Variants in HSPBP1 observed in about 807,000 individuals in gnomAD.
The protein encoded by HSPBP1 is hsp70-binding protein 1.
Under a neutral mutation model 41.7 loss-of-function variants are expected in HSPBP1, and 31 were observed. That is an observed-to-expected ratio of 0.74 (90% CI 0.56 to 1.00). HSPBP1 has a LOEUF of 1.00. HSPBP1 is among the 50% of genes least tolerant of loss of function. The pLI, the probability that HSPBP1 is intolerant of heterozygous loss-of-function variation, is 0.00. For missense variants in HSPBP1, 439 were observed against 487.9 expected, an observed-to-expected ratio of 0.90 and a Z score of 0.94; for synonymous variants, 199 against 214.4, an observed-to-expected ratio of 0.93 and a Z score of 0.63.
chr19:55,267,392 C>G (rs1398893766), intron 4 of HSPBP1, among the ~76,000 whole-genome samples: 1 of 151,614 alleles, frequency 6.6e-6, no homozygotes, highest in East Asian at 1.9e-4. Context: ...CTAAAGTGAT[C>G]CACCTGCCTG....
Position 55,268,726 on chromosome 19 carries a change from G to A in HSPBP1, c.641-2440C>T, listed in dbSNP as rs919301110. 2.6e-5 allele frequency among the ~76,000 whole-genome samples: 4 copies of A among 152,090 alleles called. No homozygotes were observed. Among genetic ancestry groups the A allele is most frequent in the Admixed American group, 6.5e-5 (1 of 15,274 alleles). On this transcript the variant is annotated intron_variant, in intron 4 of 7. Transcript: ENST00000433386. This position sits in a 1 kb window ranked among gnomAD's most constrained non-coding sequence, Gnocchi z 4.5. ...CTCGCTCTGTCGCCCAGGCTGGAGT[G>A]CAGTGGCAGTTGGCTCACTGCGACA...
In HSPBP1 at chr19:55,275,769, G is replaced by A. The variant is rs542197389; in HGVS notation, c.416-1147C>T. On this transcript the variant is annotated intron_variant, in intron 3 of 7. Coordinates refer to ENST00000433386, the MANE Select transcript of HSPBP1 (RefSeq NM_012267.5). Reference sequence around the variant, plus strand: ...TCAAGACCAGCCTGGCCAACATGGTGAAACCTCATCTCTACTAAAAATACA... The same window carrying A: ...TCAAGACCAGCCTGGCCAACATGGTAAAACCTCATCTCTACTAAAAATACA... Among the ~76,000 whole-genome samples the A allele has an allele frequency of 8.5e-5, 13 of 152,110 alleles. No individual in the cohort carries two copies. In the South Asian group the frequency reaches 1.9e-3, roughly 22 times the overall value.
rs992811462 is a variant in HSPBP1 at position 55,268,302 on chromosome 19, C to A, written c.641-2016G>T. ...AAAATTAGCTGGGCGTGGTGGCGTG[C>A]GTCTGTAATCCCAGCTACTAGGGAG... On this transcript the variant is annotated intron_variant, in intron 4 of 7. Transcript: ENST00000433386. The surrounding 1 kb of genome is among the most constrained non-coding windows in gnomAD (Gnocchi z 4.5). Among the ~76,000 whole-genome samples, 1 of 151,936 alleles carries A rather than the reference C, an allele frequency of 6.6e-6. No homozygotes were observed. Among genetic ancestry groups the A allele is most frequent in the Non-Finnish European group, 1.5e-5 (1 of 67,986 alleles).
chr19:55,279,856 C>T, intron 1 of HSPBP1, 154 bp from the exon 2 acceptor site: 1 of 787,570 alleles, frequency 1.3e-6, no homozygotes, highest in East Asian at 2.9e-5. Context: ...TCCCTAGCAA[C>T]AGGCCCCACC....
In HSPBP1 at chr19:55,266,215, C is replaced by A; in HGVS notation, c.712G>T (p.Ala238Ser). 1 of 1,584,312 alleles carries A rather than the reference C, an allele frequency of 6.3e-7. No homozygotes were observed. The highest frequency in any genetic ancestry group is 8.6e-7 in the Non-Finnish European group (1 of 1,165,464). ...AGCTTCTGCACCTGCTGCTGCATGG[C>A]CCTCATCAACACAGAGAAGCCGTCC... ...RLDGFSVLMR[A>S]MQQQVQKLKV... is the part of the protein sequence containing the mutation. The change falls in exon 5 of 8, where the codon GCC (alanine) becomes TCC (serine). Residue 238 changes from alanine to serine, a missense_variant. Physicochemically the swap from Ala to Ser is moderately conservative, Grantham distance 99 (BLOSUM62 1). Transcript: ENST00000433386.
chr19:55,266,425 A>ACCACCACCACCATCTCTACCACC (rs1568960574), intron 4 of HSPBP1, 139 bp from the exon 5 acceptor site: 1 of 665,784 alleles, frequency 1.5e-6, no homozygotes, highest in Non-Finnish European at 2.2e-6. Context: ...CCACCATCAC[A>ACCACCACCACCATCTCTACCACC]ATCATCATCA....
At chr19:55,269,325 C>T (rs530306980) in intron 4 of HSPBP1, among the ~76,000 whole-genome samples, 47 of 152,140 alleles carry the variant, frequency 3.1e-4, no homozygotes, top group Non-Finnish European at 5.1e-4. Context: ...TGTTTGAGAA[C>T]CACTGCTCCC....
In HSPBP1 at chr19:55,277,858, G is replaced by C. The variant is rs1037145749; in HGVS notation, c.211-12C>G. 3 of 1,524,456 alleles carry C rather than the reference G, an allele frequency of 2.0e-6. No individual in the cohort carries two copies. The highest frequency in any genetic ancestry group is 2.8e-5 in the African/African-American group (2 of 72,152). The allele number at this position is 1,524,456 out of a possible 1,614,324, so 94.4% of individuals were successfully genotyped here. A position where few individuals can be genotyped will look rare whatever the true frequency, so the allele number is the denominator to read the frequency against. On this transcript the variant is annotated splice_polypyrimidine_tract_variant and intron_variant, in intron 2 of 7. Transcript: ENST00000433386. ...AGCCACTGACGCCTCTGGAGACCAA[G>C]GCGAGGAGGAAAGAAGGAGATCCAT...
At chr19:55,271,155 T>C (rs1259108082) in intron 4 of HSPBP1, among the ~76,000 whole-genome samples, 1 of 152,186 alleles carries the variant, frequency 6.6e-6, no homozygotes, top group African/African-American at 2.4e-5. Context: ...ATTTGCTATG[T>C]ACTCTTTTGT....
intron 1 of HSPBP1, 73 bp from the exon 2 acceptor site, chr19:55,279,775 C>T: frequency 6.7e-7 from 1 of 1,491,282 alleles, no homozygotes; most frequent in South Asian, 1.2e-5. Context: ...CCCCAGCCCA[C>T]TTAACCACAG....
chr19:55,262,381 G>A lies in HSPBP1; in HGVS notation c.*227C>T. 1 of 1,369,224 alleles carries A rather than the reference G, an allele frequency of 7.3e-7. No individual in the cohort carries two copies. Among genetic ancestry groups the A allele is most frequent in the Middle Eastern group, 2.7e-4 (1 of 3,646 alleles). The allele number at this position is 1,369,224 out of a possible 1,614,324, so 84.8% of individuals were successfully genotyped here. ...GAAGAGAAACACCTTTATTGGAAGA[G>A]CTGTGTGGACAAGAGAACGGGGATG... On this transcript the variant is annotated 3_prime_UTR_variant, in exon 8 of 8. Transcript: ENST00000433386.
rs1213184452 is a variant in HSPBP1, at chr19:55,265,346, G to A, written c.937C>T (p.Pro313Ser). Residue 313 changes from proline (P) to serine (S), a missense_variant, in exon 7 of 8, where the codon CCG becomes TCG. Pro to Ser is a moderately conservative substitution (Grantham distance 74, BLOSUM62 -1). Coordinates refer to ENST00000433386, the MANE Select transcript of HSPBP1 (RefSeq NM_012267.5). Reference sequence around the variant, plus strand: ...AGGAGCTCCTCCAGGCCCAGTTCCGGCTCCCGACACTCGCGCACACCCTGC... The same window carrying A: ...AGGAGCTCCTCCAGGCCCAGTTCCGACTCCCGACACTCGCGCACACCCTGC... Reference protein sequence around the residue: ...FPQGVRECREPELGLEELLRH... With the variant: ...FPQGVRECRESELGLEELLRH... 6.2e-7 allele frequency: 1 copy of A among 1,613,118 alleles called. No individual in the cohort carries two copies. The highest frequency in any genetic ancestry group is 1.7e-5 in the Admixed American group (1 of 59,968).
intron 7 of HSPBP1, 128 bp downstream of exon 7, chr19:55,265,150 G>GC: frequency 1.7e-6 from 1 of 581,996 alleles, no homozygotes; most frequent in Non-Finnish European, 3.0e-6. Context: ...TGGAGCCCCT[G>GC]TCCCCTCCCC....
chr19:55,280,042 G>T lies in HSPBP1; in HGVS notation c.-102C>A. 4.1e-6 allele frequency: 1 copy of T among 246,548 alleles called. No individual in the cohort carries two copies. Among genetic ancestry groups the T allele is most frequent in the Non-Finnish European group, 8.0e-6 (1 of 125,732 alleles). The allele number at this position is 246,548 out of a possible 1,614,324, so 15.3% of individuals were successfully genotyped here. A position where few individuals can be genotyped will look rare whatever the true frequency, so the allele number is the denominator to read the frequency against. On this transcript the variant is annotated 5_prime_UTR_variant, in exon 1 of 8. Transcript: ENST00000433386. ...GAATAAGGCGGATCTCACCTCCCCG[G>T]GTCCTCAAGCCGCCGCTGCTCCTAC...
chr19:55,276,599 A>G (rs923014813), intron 3 of HSPBP1, among the ~76,000 whole-genome samples: 2 of 152,228 alleles, frequency 1.3e-5, no homozygotes, highest in African/African-American at 4.8e-5. Flanking sequence ...CACTCAGCAC[A>G]GTGCTTAGCA....
chr19:55,273,380 A>C (rs2087975784), intron 4 of HSPBP1, among the ~76,000 whole-genome samples: 1 of 152,182 alleles, frequency 6.6e-6, no homozygotes, highest in Non-Finnish European at 1.5e-5. Flanking sequence ...AAAAGGAAAG[A>C]GTCCAGTTGG....
rs1215146367 is a variant in HSPBP1, at chr19:55,279,513, C to A, written c.96G>T (p.Ser32=). The change falls in exon 2 of 8, where the codon TCG becomes TCT. Residue 32 remains serine (S), a synonymous_variant. Coordinates refer to ENST00000433386, the MANE Select transcript of HSPBP1 (RefSeq NM_012267.5). ...CSSGGGGGGS[S]AGGSGNSRPP... ...GCCGGGAATTGCCCGAGCCCCCAGC[C>A]GAGGAGCCGCCGCCGCCGCCCCCTG... is the stretch of plus-strand genomic sequence containing the variant. 4 of 1,052,456 alleles carry A rather than the reference C, an allele frequency of 3.8e-6. No individual in the cohort carries two copies. Among genetic ancestry groups the A allele is most frequent in the Non-Finnish European group, 5.4e-6 (4 of 737,030 alleles). 65.2% of individuals were successfully genotyped at this position (1,052,456 alleles called of 1,614,324 possible).
At position 55,262,586 on chromosome 19, in the gene HSPBP1, G is replaced by C; in HGVS notation, c.*22C>G. ...AGAGGCCTGGGGTTCCCACGGAGAA[G>C]GGGGCAAGAAGCCACCTGGTTTCAC... is the stretch of plus-strand genomic sequence containing the variant. On this transcript the variant is annotated 3_prime_UTR_variant, in exon 8 of 8. Transcript: ENST00000433386. 6.2e-7 allele frequency: 1 copy of C among 1,612,790 alleles called. No individual in the cohort carries two copies. Among genetic ancestry groups the C allele is most frequent in the Non-Finnish European group, 8.5e-7 (1 of 1,179,370 alleles).
At chr19:55,265,845 GC>G in intron 6 of HSPBP1, 40 bp downstream of exon 6, 3 of 1,473,232 alleles carry the variant, frequency 2.0e-6, no homozygotes, top group Non-Finnish European at 2.7e-6. Flanking sequence ...AGAGGACGGG[GC>G]CCCCACCCCA....
Sources: allele counts gnomAD v4.1 joint callset (sites outside exome capture counted in the v4.1 genomes callset), GRCh38; gene constraint gnomAD v4.1.1; non-coding constraint Gnocchi (gnomAD v3.1); transcripts MANE v1.5; gene names NCBI Gene and HGNC (gene_info 2026-07-23, HGNC 2026-07-21).